OPCML: variants seen among roughly 807,000 people sequenced by gnomAD.
The protein encoded by OPCML is opioid-binding protein/cell adhesion molecule.
In OPCML, 13 loss-of-function variants were observed where a neutral mutation model predicts 37.8. That is an observed-to-expected ratio of 0.34 (90% confidence interval 0.22 to 0.55). The LOEUF is 0.55. Ranked by LOEUF, OPCML falls within the 20% of genes least tolerant of loss-of-function variation. The pLI is 0.91. For missense variants in OPCML, 341 were observed against 435.6 expected (o/e 0.78, Z 1.93); for synonymous variants, 176 against 168.8 (o/e 1.04, Z -0.33).
At chr11:132,876,956 G>T (rs779794746) in intron 2 of OPCML, among the ~76,000 whole-genome samples, 3 of 152,218 alleles carry the variant, frequency 2.0e-5, no homozygotes, top group Non-Finnish European at 4.4e-5. Flanking sequence ...TTTCTCCAGG[G>T]AGTAATTTTA....
chr11:133,106,908 A>T (rs1949167585), intron 1 of OPCML, among the ~76,000 whole-genome samples: 1 of 152,144 alleles, frequency 6.6e-6, no homozygotes, highest in Non-Finnish European at 1.5e-5. Flanking sequence ...CAGACTGCCC[A>T]CTGCACCAGA....
chr11:132,498,311 T>C (rs926723924), intron 4 of OPCML, among the ~76,000 whole-genome samples: 10 of 152,200 alleles, frequency 6.6e-5, no homozygotes, highest in African/African-American at 1.9e-4. Flanking sequence ...ACAAAGGCCA[T>C]TGGTCATCTG....
chr11:132,560,878 T>G (rs1363193877), intron 3 of OPCML, among the ~76,000 whole-genome samples: 1 of 152,218 alleles, frequency 6.6e-6, no homozygotes, highest in African/African-American at 2.4e-5. Flanking sequence ...CTGTTAACTT[T>G]GCTGATTATT....
chr11:133,024,948 C>A, intron 1 of OPCML: 1 of 985,398 alleles, frequency 1.0e-6, no homozygotes, highest in East Asian at 1.1e-4. Flanking sequence ...TGAACCAATG[C>A]GCACTGCAGA....
At chr11:132,677,417 A>G (rs889821431) in intron 2 of OPCML, among the ~76,000 whole-genome samples, 2 of 152,168 alleles carry the variant, frequency 1.3e-5, no homozygotes, top group East Asian at 3.8e-4. Flanking sequence ...TCTAAAGTTT[A>G]TGTGGACAGG....
chr11:132,426,486 C>CTT (rs1489078924), intron 7 of OPCML, among the ~76,000 whole-genome samples: 12 of 152,144 alleles, frequency 7.9e-5, no homozygotes, highest in Non-Finnish European at 1.8e-4. Flanking sequence ...GTCACCCAGG[C>CTT]TGGAGCGCAG....
At chr11:132,679,233 G>T (rs2135845446) in intron 2 of OPCML, among the ~76,000 whole-genome samples, 1 of 152,090 alleles carries the variant, frequency 6.6e-6, no homozygotes, top group East Asian at 1.9e-4. Context: ...GACTCAGTAA[G>T]TCTATTCCTA....
chr11:133,004,953 C>T, intron 1 of OPCML: 2 of 985,430 alleles, frequency 2.0e-6, no homozygotes, highest in Non-Finnish European at 2.4e-6. Flanking sequence ...CTGCACCGAG[C>T]TAGTCTACAT....
chr11:133,053,718 C>A (rs963664509), intron 1 of OPCML, among the ~76,000 whole-genome samples: 2 of 152,178 alleles, frequency 1.3e-5, no homozygotes, highest in Non-Finnish European at 2.9e-5. Flanking sequence ...TCAGTCTTGG[C>A]TGGTTGTTCC....
At chr11:132,454,195 T>C (rs1461496777) in intron 4 of OPCML, among the ~76,000 whole-genome samples, 1 of 152,214 alleles carries the variant, frequency 6.6e-6, no homozygotes, top group Non-Finnish European at 1.5e-5. Context: ...TGGTCTCATT[T>C]GTATGGTCTA....
chr11:133,193,449 C>A (rs1938405370), intron 1 of OPCML, among the ~76,000 whole-genome samples: 1 of 152,170 alleles, frequency 6.6e-6, no homozygotes, highest in South Asian at 2.1e-4. Flanking sequence ...TAATTCCCAA[C>A]TTGGAAACAA....
chr11:133,356,585 T>C (rs1944296047), intron 1 of OPCML, among the ~76,000 whole-genome samples: 1 of 152,232 alleles, frequency 6.6e-6, no homozygotes, highest in Non-Finnish European at 1.5e-5. Flanking sequence ...CTTGAGCCAA[T>C]TAAGCCCTGT....
chr11:132,795,635 C>T (rs2136190436), intron 2 of OPCML, among the ~76,000 whole-genome samples: 1 of 152,318 alleles, frequency 6.6e-6, no homozygotes, highest in South Asian at 2.1e-4. Flanking sequence ...GGAAATTCCA[C>T]ATATTCCATA....
intron 1 of OPCML, among the ~76,000 whole-genome samples, chr11:133,193,328 C>CA (rs1461537337): frequency 3.3e-5 from 5 of 152,128 alleles, no homozygotes; most frequent in African/African-American, 1.2e-4. Context: ...GCATCTCCCG[C>CA]AAAGAACTGA....
At chr11:132,452,709 T>C (rs1263878030) in intron 4 of OPCML, among the ~76,000 whole-genome samples, 2 of 152,072 alleles carry the variant, frequency 1.3e-5, no homozygotes, top group African/African-American at 4.8e-5. Context: ...TTTTGAACTC[T>C]TACACAATAA....
chr11:133,060,440 T>C (rs1948320785), intron 1 of OPCML, among the ~76,000 whole-genome samples: 1 of 152,166 alleles, frequency 6.6e-6, no homozygotes, highest in South Asian at 2.1e-4. Context: ...TAGAAGACAG[T>C]TCTCCACCCT....
intron 2 of OPCML, among the ~76,000 whole-genome samples, chr11:132,895,534 G>A (rs539266234): frequency 1.1e-4 from 17 of 152,306 alleles, no homozygotes; most frequent in South Asian, 4.1e-4. Context: ...CTCCGCAGGC[G>A]TCTGTGGTTA....
chr11:133,081,499 C>T (rs994474699), intron 1 of OPCML, among the ~76,000 whole-genome samples: 2 of 152,222 alleles, frequency 1.3e-5, no homozygotes, highest in Admixed American at 6.5e-5. Context: ...ATGAAGCGCT[C>T]TTACACAGGA....
At chr11:133,473,465 G>T (rs1947160608) in intron 1 of OPCML, among the ~76,000 whole-genome samples, 1 of 152,156 alleles carries the variant, frequency 6.6e-6, no homozygotes, top group Admixed American at 6.5e-5. Flanking sequence ...CCTTTAAAAA[G>T]TTGAATTGCT....
Sources: allele counts gnomAD v4.1 joint callset (sites outside exome capture counted in the v4.1 genomes callset), GRCh38; gene constraint gnomAD v4.1.1; transcripts MANE v1.5; gene names NCBI Gene and HGNC (gene_info 2026-07-23, HGNC 2026-07-21).